The following KTN1 variants were observed in gnomAD, a reference collection of about 807,000 sequenced individuals.
KTN1 encodes the protein kinectin.
Under a neutral mutation model 222.5 loss-of-function variants are expected in KTN1, and 130 were observed. That is an observed-to-expected ratio of 0.58 (90% CI 0.51 to 0.68). The LOEUF (loss-of-function observed/expected upper bound fraction) is 0.68. Among genes scored for constraint, KTN1 ranks in the 30% least tolerant of loss-of-function variants. KTN1 has a pLI of 0.00. For missense variants in KTN1, 1,508 were observed against 1,500.4 expected, an observed-to-expected ratio of 1.01 and a Z score of -0.08; for synonymous variants, 512 against 496.3, an observed-to-expected ratio of 1.03 and a Z score of -0.42.
In KTN1 at chr14:55,653,612, G is replaced by C. The variant is rs1258855522; in HGVS notation, c.2801+16G>C. On this transcript the variant is annotated intron_variant, in intron 28 of 43. Coordinates refer to ENST00000395314, the MANE Select transcript of KTN1 (RefSeq NM_001079521.2). ...TTGAGATTGTGTAAGTATGCTTTAA[G>C]ACCACATTTTGAAGAGAAACAAACG... 1.3e-6 allele frequency: 2 copies of C among 1,594,692 alleles called. No individual in the cohort carries two copies. Among genetic ancestry groups the C allele is most frequent in the African/African-American group, 2.7e-5 (2 of 74,406 alleles).
chr14:55,593,744 C>CT (rs917716012), intron 1 of KTN1, among the ~76,000 whole-genome samples: 15 of 149,714 alleles, frequency 1.0e-4, no homozygotes, highest in South Asian at 6.4e-4. Context: ...GTTTTGTTGT[C>CT]TTTTTTTTTT....
intron 1 of KTN1, among the ~76,000 whole-genome samples, chr14:55,586,724 A>G (rs2033085853): frequency 6.6e-6 from 1 of 152,154 alleles, no homozygotes; most frequent in South Asian, 2.1e-4. Context: ...TCTTAAAACT[A>G]GTGATTTAAA....
intron 6 of KTN1, among the ~76,000 whole-genome samples, chr14:55,628,247 C>T (rs375725388): frequency 2.6e-5 from 4 of 152,140 alleles, no homozygotes; most frequent in African/African-American, 7.2e-5. Context: ...TTACAGATAT[C>T]CTAGCTTCAG....
intron 43 of KTN1, chr14:55,683,191 A>G (rs930462801): frequency 5.9e-5 from 9 of 152,134 alleles, no homozygotes; most frequent in African/African-American, 1.9e-4. Flanking sequence ...TTAATGTACT[A>G]GTGATCTTTT....
intron 41 of KTN1, among the ~76,000 whole-genome samples, chr14:55,677,495 AG>A (rs1411103534): frequency 5.4e-5 from 8 of 149,168 alleles, no homozygotes; most frequent in Non-Finnish European, 3.0e-5. Flanking sequence ...AAAAAAAAAA[AG>A]TTAATAACAT....
chr14:55,653,589 G>A lies in KTN1; in HGVS notation c.2794G>A (p.Glu932Lys). 3 of 1,609,486 alleles carry A rather than the reference G, an allele frequency of 1.9e-6. No individual in the cohort carries two copies. The highest frequency in any genetic ancestry group is 2.6e-6 in the Non-Finnish European group (3 of 1,176,442). Residue 932 changes from glutamate to lysine, a missense_variant, in exon 28 of 44, where the codon GAG (glutamate) becomes AAG (lysine). By Grantham distance (56) the Glu-to-Lys change is moderately conservative. Coordinates refer to ENST00000395314, the MANE Select transcript of KTN1 (RefSeq NM_001079521.2). ...TTCTGCATCACAGTTTGAAGAACTT[G>A]AGATTGTGTAAGTATGCTTTAAGAC... ...ASSASQFEELEIVLKEKENEL... is the reference protein window; with the variant it reads ...ASSASQFEELKIVLKEKENEL...
intron 33 of KTN1, among the ~76,000 whole-genome samples, chr14:55,666,799 G>A (rs879220556): frequency 1.3e-5 from 2 of 151,920 alleles, no homozygotes; most frequent in Admixed American, 1.3e-4. Context: ...ATGCCATGAT[G>A]TTATATAGTC....
intron 38 of KTN1, 62 bp from the exon 39 acceptor site, chr14:55,672,867 G>A (rs1339009057): frequency 1.5e-6 from 2 of 1,348,640 alleles, no homozygotes; most frequent in Non-Finnish European, 2.1e-6. Flanking sequence ...ATTTTGTCTT[G>A]TGGGGAAATA....
chr14:55,644,251 T>A, intron 18 of KTN1: 1 of 443,892 alleles, frequency 2.3e-6, no homozygotes, highest in East Asian at 3.7e-5. Context: ...CTTTAACCCC[T>A]TTCTATCCCA....
intron 1 of KTN1, among the ~76,000 whole-genome samples, chr14:55,596,324 CT>C (rs1394891492): frequency 6.6e-6 from 1 of 151,918 alleles, no homozygotes; most frequent in Admixed American, 6.6e-5. Context: ...ATAGCTTTTA[CT>C]TTTTTCCCCC....
At chr14:55,661,800 G>A (rs1437735666) in intron 32 of KTN1, 188 bp downstream of exon 32, 2 of 387,268 alleles carry the variant, frequency 5.2e-6, no homozygotes, top group East Asian at 3.9e-5. Flanking sequence ...TTAAATAAGT[G>A]AAAAGATGAA....
intron 30 of KTN1, among the ~76,000 whole-genome samples, chr14:55,659,307 GTTTTTTT>G (rs772118269): frequency 3.3e-5 from 4 of 120,648 alleles, no homozygotes; most frequent in Admixed American, 8.3e-5. Context: ...TTTGATTTCT[GTTTTTTT>G]TTTTTTTTTT....
At chr14:55,673,803 C>G (rs1391949427) in intron 40 of KTN1, 1 of 152,092 alleles carries the variant, frequency 6.6e-6, no homozygotes, top group Non-Finnish European at 1.5e-5. Context: ...ATCCTAAAAG[C>G]ATAGGCTTTG....
chr14:55,583,862 A>G (rs920548408), intron 1 of KTN1, among the ~76,000 whole-genome samples: 2 of 152,198 alleles, frequency 1.3e-5, no homozygotes, highest in Admixed American at 6.5e-5. Context: ...TCAAACATTC[A>G]GGTAAAAAAA....
chr14:55,626,781 G>A (rs181104452), intron 5 of KTN1, among the ~76,000 whole-genome samples: 2 of 152,126 alleles, frequency 1.3e-5, no homozygotes, highest in Admixed American at 6.5e-5. Flanking sequence ...GGGTCTCCCT[G>A]TAGAGAATCT....
chr14:55,649,488 G>C (rs2042725680), intron 21 of KTN1, among the ~76,000 whole-genome samples: 1 of 152,158 alleles, frequency 6.6e-6, no homozygotes. Flanking sequence ...AAATTAGGCA[G>C]TTTCTTAGTT....
chr14:55,678,092 A>G (rs2046038649), intron 41 of KTN1, among the ~76,000 whole-genome samples: 1 of 152,254 alleles, frequency 6.6e-6, no homozygotes, highest in Non-Finnish European at 1.5e-5. Flanking sequence ...ATCTAGACTA[A>G]TACTAACCTA....
rs377364534 is a variant in KTN1, at chr14:55,588,685, C to T, written c.-31+8331C>T. ...AGTATGTACTGCAGTTAATTTTATG[C>T]AGTTGTGATTTGGTACTGTATCTTG... is the stretch of plus-strand genomic sequence containing the variant. On this transcript the variant is annotated intron_variant, in intron 1 of 43. Coordinates refer to ENST00000395314, the MANE Select transcript of KTN1 (RefSeq NM_001079521.2). Among the ~76,000 whole-genome samples, 18 of 152,220 alleles carry T rather than the reference C, an allele frequency of 1.2e-4. No individual in the cohort carries two copies. In the East Asian group the frequency reaches 3.3e-3, roughly 28 times the overall value.
chr14:55,615,946 C>G (rs1043771613), intron 2 of KTN1, among the ~76,000 whole-genome samples: 1 of 150,998 alleles, frequency 6.6e-6, no homozygotes, highest in Admixed American at 6.6e-5. Context: ...CAGGGTCTTG[C>G]TCTGTTGCTG....
Sources: allele counts gnomAD v4.1 joint callset (sites outside exome capture counted in the v4.1 genomes callset), GRCh38; gene constraint gnomAD v4.1.1; transcripts MANE v1.5; gene names NCBI Gene and HGNC (gene_info 2026-07-23, HGNC 2026-07-21).